STARD8: variants seen among roughly 807,000 people sequenced by gnomAD.
The protein encoded by STARD8 is stAR-related lipid transfer protein 8.
In STARD8, 25 loss-of-function variants were observed where a neutral mutation model predicts 69.4. The observed-to-expected ratio is 0.36, with a 90% CI of 0.26 to 0.50. The LOEUF is 0.50. STARD8 is among the 20% of genes least tolerant of loss of function. STARD8 has a pLI of 0.96. For synonymous variants in STARD8, 389 were observed against 374.6 expected (o/e 1.04, Z -0.45); for missense variants, 921 against 932.5 (o/e 0.99, Z 0.16).
At position 68,718,218 on chromosome X, in the gene STARD8, A is replaced by G. The variant is rs376684874; in HGVS notation, c.1304A>G (p.Lys435Arg). 9 of 1,209,830 alleles carry G rather than the reference A, an allele frequency of 7.4e-6. No individual in the cohort carries two copies. In the African/African-American group the frequency reaches 1.6e-4, roughly 21 times the overall value. ...GTAGAAATAGCCACAGTTGAGGTCA[A>G]ATGCCAAGCTGAGGCTCTCAGCCAG... is the stretch of plus-strand genomic sequence containing the variant. ...SSVEIATVEV[K>R]CQAEALSQME... The change falls in exon 6 of 15, where the codon AAA (lysine) becomes AGA (arginine). Residue 435 changes from lysine to arginine, a missense_variant. By Grantham distance (26) the Lys-to-Arg change is conservative (BLOSUM62 2). Coordinates refer to ENST00000374599, the MANE Select transcript of STARD8 (RefSeq NM_001142503.3).
Position 68,718,618 on chromosome X carries a change from C to A in STARD8, c.1704C>A (p.Thr568=). 8.4e-7 allele frequency: 1 copy of A among 1,196,969 alleles called. No homozygotes were observed. Among genetic ancestry groups the A allele is most frequent in the Non-Finnish European group, 1.1e-6 (1 of 887,654 alleles). The part of the protein sequence containing the change: ...RRDSGVGASL[T]RPCRKLRWHS... Reference sequence around the variant, plus strand: ...ATTCAGGTGTTGGGGCCTCACTTACCAGACCCTGCAGGTGAGAGTTTGGGT... The same window carrying A: ...ATTCAGGTGTTGGGGCCTCACTTACAAGACCCTGCAGGTGAGAGTTTGGGT... Residue 568 remains threonine (T), a synonymous_variant, in exon 6 of 15, where the codon ACC becomes ACA. Coordinates refer to ENST00000374599, the MANE Select transcript of STARD8 (RefSeq NM_001142503.3).
chrX:68,696,208 G>T (rs1197960664), intron 2 of STARD8, among the ~76,000 whole-genome samples: 1 of 112,564 alleles, frequency 8.9e-6, no homozygotes, highest in Non-Finnish European at 1.9e-5. Flanking sequence ...GCTTTAGGGT[G>T]GGAAGTGTGA....
Position 68,722,434 on chromosome X carries a change from A to G in STARD8, c.2587A>G (p.Met863Val), listed in dbSNP as rs1328272638. The G allele has an allele frequency of 1.7e-6, 2 of 1,200,357 alleles. No individual in the cohort carries two copies. Among genetic ancestry groups the G allele is most frequent in the African/African-American group, 1.7e-5 (1 of 57,579 alleles). The change falls in exon 12 of 15, where the codon ATG becomes GTG. Residue 863 changes from methionine (M) to valine (V), a missense_variant. Transcript: ENST00000374599. ...TGTGCCCTCTCAGGTGCCCCAGGAC[A>G]TGGTGCTGCAGCTGTGCAGCTCCTA... ...CKKLFQVPQDMVLQLCSSYSA... is the reference protein window; with the variant it reads ...CKKLFQVPQDVVLQLCSSYSA...
At chrX:68,706,724 T>G (rs1343293857) in intron 2 of STARD8, among the ~76,000 whole-genome samples, 5 of 112,795 alleles carry the variant, frequency 4.4e-5, no homozygotes, top group African/African-American at 1.6e-4. Flanking sequence ...TAGTGTTTCC[T>G]TAGGGGAGGG....
intron 2 of STARD8, among the ~76,000 whole-genome samples, chrX:68,675,049 C>T (rs77271009): frequency 8.3e-5 from 9 of 108,599 alleles, no homozygotes; most frequent in African/African-American, 2.4e-4. Flanking sequence ...CTCCGCCTCC[C>T]GGGTTCAAGC....
intron 1 of STARD8, among the ~76,000 whole-genome samples, chrX:68,651,972 C>T (rs1402562447): frequency 1.9e-5 from 2 of 107,525 alleles, no homozygotes; most frequent in Non-Finnish European, 3.8e-5. Flanking sequence ...CTCAGCCTCC[C>T]GAGTAGCTGG....
chrX:68,693,547 G>A (rs868507581), intron 2 of STARD8: 13 of 632,839 alleles, frequency 2.1e-5, no homozygotes, highest in Middle Eastern at 1.9e-3. Context: ...ACTTTCTGGC[G>A]AGTCCGGTGG....
rs1296488657 is a variant in STARD8, at chrX:68,690,215, C to T, written c.80-22699C>T. ...TACTCATGTACTTGGTGGGGCTGGTCTGAGTGTAATTCATTTTCCCCTCAC... is the reference window on the plus strand; with the variant it reads ...TACTCATGTACTTGGTGGGGCTGGTTTGAGTGTAATTCATTTTCCCCTCAC... On this transcript the variant is annotated intron_variant, in intron 2 of 14. Coordinates refer to ENST00000374599, the MANE Select transcript of STARD8 (RefSeq NM_001142503.3). Among the ~76,000 whole-genome samples the T allele has an allele frequency of 1.4e-4, 15 of 110,434 alleles. No homozygotes were observed. The Admixed American group carries it at 1.5e-3, about 11-fold the overall frequency.
At chrX:68,676,539 C>A (rs1056085052) in intron 2 of STARD8, among the ~76,000 whole-genome samples, 1 of 112,090 alleles carries the variant, frequency 8.9e-6, no homozygotes, top group African/African-American at 3.2e-5. Context: ...AGGCTCCCCC[C>A]AAACCCCGTC....
intron 1 of STARD8, among the ~76,000 whole-genome samples, chrX:68,658,950 G>T (rs996417841): frequency 8.9e-6 from 1 of 112,447 alleles, no homozygotes; most frequent in African/African-American, 3.2e-5. Flanking sequence ...CCCTGGAAAT[G>T]GATGCAGGCT....
At chrX:68,687,745 T>G (rs956033863) in intron 2 of STARD8, among the ~76,000 whole-genome samples, 9 of 112,191 alleles carry the variant, frequency 8.0e-5, no homozygotes, top group African/African-American at 2.9e-4. Flanking sequence ...CCCAGGAGCC[T>G]TGGGTGTTGG....
intron 2 of STARD8, among the ~76,000 whole-genome samples, chrX:68,684,119 T>G (rs1048280515): frequency 8.9e-6 from 1 of 112,866 alleles, no homozygotes; most frequent in African/African-American, 3.2e-5. Flanking sequence ...GCATCTCCTC[T>G]CACAGCACCA....
At chrX:68,650,495 GA>G (rs1267216317) in intron 1 of STARD8, among the ~76,000 whole-genome samples, 1 of 100,687 alleles carries the variant, frequency 9.9e-6, no homozygotes, top group East Asian at 3.2e-4. Flanking sequence ...GGAGGAGGAG[GA>G]GGAGGAGGAG....
intron 2 of STARD8, among the ~76,000 whole-genome samples, chrX:68,709,088 C>T (rs1270694060): frequency 2.7e-5 from 3 of 112,002 alleles, no homozygotes; most frequent in African/African-American, 9.8e-5. Flanking sequence ...GAGGGAGCCT[C>T]GGGGCCTCCC....
rs1050884850 is a variant in STARD8 at position 68,722,529 on chromosome X, A to G, written c.2682A>G (p.Val894=). 5 of 1,211,862 alleles carry G rather than the reference A, an allele frequency of 4.1e-6. No individual in the cohort carries two copies. Among genetic ancestry groups the G allele is most frequent in the Admixed American group, 4.3e-5 (2 of 46,114 alleles). Reference sequence around the variant, plus strand: ...TGCGTCAGGCCCAAGCTGCAGGGGTAAGCCTGAGCCTCTACATGGAAGAGA... The same window carrying G: ...TGCGTCAGGCCCAAGCTGCAGGGGTGAGCCTGAGCCTCTACATGGAAGAGA... ...AELRQAQAAG[V]SLSLYMEENI... is the part of the protein sequence containing the mutation. Residue 894 remains valine, a synonymous_variant, in exon 12 of 15, where the codon GTA becomes GTG. Transcript: ENST00000374599.
intron 2 of STARD8, among the ~76,000 whole-genome samples, chrX:68,678,215 G>A (rs1329717788): frequency 1.8e-5 from 2 of 111,612 alleles, no homozygotes; most frequent in African/African-American, 6.5e-5. Context: ...GATCAATCAG[G>A]AGAAACAGTC....
chrX:68,681,047 T>C lies in STARD8; in HGVS notation c.79+15515T>C, dbSNP rs191356765. 2.7e-5 allele frequency among the ~76,000 whole-genome samples: 3 copies of C among 111,407 alleles called. No homozygotes were observed. In the East Asian group the frequency reaches 8.5e-4, roughly 32 times the overall value. On this transcript the variant is annotated intron_variant, in intron 2 of 14. Coordinates refer to ENST00000374599, the MANE Select transcript of STARD8 (RefSeq NM_001142503.3). The stretch of plus-strand genomic sequence containing the variant: ...AAGGCTGTTTTGAGAGTTGCAGTTC[T>C]TAGGGGCCCCTTCTCTAGAGCTGGT...
At chrX:68,649,432 G>C (rs978173759) in intron 1 of STARD8, among the ~76,000 whole-genome samples, 2 of 109,897 alleles carry the variant, frequency 1.8e-5, no homozygotes, top group African/African-American at 6.7e-5. Flanking sequence ...GTGGATTCAT[G>C]GTCCTCATCT....
At chrX:68,710,805 A>T (rs1165825269) in intron 2 of STARD8, among the ~76,000 whole-genome samples, 1 of 112,172 alleles carries the variant, frequency 8.9e-6, no homozygotes, top group Admixed American at 9.4e-5. Context: ...GCCTCTCTGG[A>T]AGTCCTAACC....
Sources: allele counts gnomAD v4.1 joint callset (sites outside exome capture counted in the v4.1 genomes callset), GRCh38; gene constraint gnomAD v4.1.1; transcripts MANE v1.5; gene names NCBI Gene and HGNC (gene_info 2026-07-23, HGNC 2026-07-21).